Variants in ADD3 observed in about 807,000 individuals in gnomAD.
ADD3 encodes the protein gamma-adducin.
A neutral mutation model predicts 80.2 loss-of-function variants in ADD3; 25 were observed. The observed-to-expected ratio is 0.31, with a 90% CI of 0.23 to 0.44. ADD3 has a LOEUF of 0.44. Among genes scored for constraint, ADD3 ranks in the 20% least tolerant of loss-of-function variants. The pLI is 1.00. For missense variants in ADD3, 829 were observed against 847.5 expected (o/e 0.98, Z 0.27); for synonymous variants, 284 against 289.6 (o/e 0.98, Z 0.20).
intron 1 of ADD3, among the ~76,000 whole-genome samples, chr10:110,072,219 G>A (rs1404377317): frequency 4.6e-5 from 7 of 152,008 alleles, no homozygotes; most frequent in Non-Finnish European, 8.8e-5. Context: ...CTGCCACCAC[G>A]CCCAGCTAAT....
intron 1 of ADD3, among the ~76,000 whole-genome samples, chr10:110,013,101 T>G (rs1564837759): frequency 6.6e-6 from 1 of 151,878 alleles, no homozygotes; most frequent in East Asian, 1.9e-4. Flanking sequence ...GATTTTTAGG[T>G]TTTTGTTTTG....
chr10:110,009,920 C>T (rs1194538019), intron 1 of ADD3, among the ~76,000 whole-genome samples: 2 of 152,148 alleles, frequency 1.3e-5, no homozygotes, highest in African/African-American at 2.4e-5. Context: ...GTTTGGTGAA[C>T]ATTTGACATA....
chr10:110,063,806 A>G (rs1006770702), intron 1 of ADD3, among the ~76,000 whole-genome samples: 15 of 128,418 alleles, frequency 1.2e-4, no homozygotes, highest in Admixed American at 8.6e-4. Flanking sequence ...TGTGTAACCT[A>G]CCTAAGTCAA....
rs546954748 is a variant in ADD3, at chr10:110,081,453, A to G, written c.-29-19172A>G. Among the ~76,000 whole-genome samples, 120 of 152,274 alleles carry G rather than the reference A, an allele frequency of 7.9e-4. 1 individual carries two copies. Among genetic ancestry groups the G allele is most frequent in the African/African-American group, 2.8e-3 (117 of 41,550 alleles). ...TTGGAACTTGGCAAAAAATATATAT[A>G]TATTTAAATTCGAATCTGTGAAAAT... On this transcript the variant is annotated intron_variant, in intron 1 of 14. Transcript: ENST00000356080.
chr10:110,006,991 T>G (rs1851687233), upstream of ADD3, among the ~76,000 whole-genome samples: 1 of 151,658 alleles, frequency 6.6e-6, no homozygotes, highest in Non-Finnish European at 1.5e-5. Context: ...GTGGAAGTCG[T>G]GGGTGGCAGA....
intron 1 of ADD3, among the ~76,000 whole-genome samples, chr10:110,070,989 G>C (rs997185399): frequency 2.9e-5 from 3 of 103,784 alleles, no homozygotes; most frequent in East Asian, 3.4e-4. Context: ...TTTGGGGGGG[G>C]GGGGTGGGGA....
chr10:110,122,103 AT>A lies in ADD3; in HGVS notation c.961-5del, dbSNP rs1300578917. Reference sequence around the variant, plus strand: ...TGTGTCTCTGTATATTTTACCATTGATTACAGGTGCAGGCCCTAGCAGGTGC... The same window carrying A: ...TGTGTCTCTGTATATTTTACCATTGATACAGGTGCAGGCCCTAGCAGGTGC... On this transcript the variant is annotated splice_region_variant and splice_polypyrimidine_tract_variant and intron_variant, in intron 8 of 14. Coordinates refer to ENST00000356080, the MANE Select transcript of ADD3 (RefSeq NM_016824.5). The A allele has an allele frequency of 6.2e-7, 1 of 1,603,640 alleles. No homozygotes were observed. Among genetic ancestry groups the A allele is most frequent in the Non-Finnish European group, 8.5e-7 (1 of 1,175,096 alleles).
At chr10:110,109,687 A>G (rs773712149) in intron 2 of ADD3, among the ~76,000 whole-genome samples, 1 of 152,204 alleles carries the variant, frequency 6.6e-6, no homozygotes, top group Non-Finnish European at 1.5e-5. Flanking sequence ...TAGAGTTCCA[A>G]AAGAGCAGAT....
At chr10:110,001,147 G>C (rs150311164), upstream of ADD3, among the ~76,000 whole-genome samples, 133 of 152,292 alleles carry the variant, frequency 8.7e-4, no homozygotes, top group African/African-American at 3.0e-3. Context: ...GGGCATGTTG[G>C]CTCACACCTG....
At chr10:110,119,068 A>G in intron 6 of ADD3, 143 bp from the exon 7 acceptor site, 1 of 839,850 alleles carries the variant, frequency 1.2e-6, no homozygotes, top group Non-Finnish European at 1.8e-6. Context: ...CAAAATGGGA[A>G]GTGAATAAAG....
Position 110,116,297 on chromosome 10 carries a change from G to A in ADD3, c.373G>A (p.Ala125Thr). 1.2e-6 allele frequency: 2 copies of A among 1,614,088 alleles called. No homozygotes were observed. The highest frequency in any genetic ancestry group is 1.7e-6 in the Non-Finnish European group (2 of 1,179,990). The change falls in exon 4 of 15, where the codon GCA becomes ACA. Residue 125 changes from alanine to threonine, a missense_variant. Coordinates refer to ENST00000356080, the MANE Select transcript of ADD3 (RefSeq NM_016824.5). The stretch of plus-strand genomic sequence containing the variant: ...CACACCTATCAATGACCTTCCTGGT[G>A]CAGATACATCCTCATATGTGAAGGG... ...MVTPINDLPG[A>T]DTSSYVKGEK...
chr10:110,017,630 G>A (rs1428143469), intron 1 of ADD3, among the ~76,000 whole-genome samples: 11 of 152,120 alleles, frequency 7.2e-5, no homozygotes, highest in Admixed American at 7.2e-4. Context: ...ATATTTTTAT[G>A]TGGTAGTACT....
At chr10:110,096,693 T>C (rs952095466) in intron 1 of ADD3, among the ~76,000 whole-genome samples, 1 of 152,110 alleles carries the variant, frequency 6.6e-6, no homozygotes, top group Non-Finnish European at 1.5e-5. Flanking sequence ...TGCACGACCC[T>C]CAAAGTGTAT....
chr10:110,021,865 A>G (rs1853716735), intron 1 of ADD3, among the ~76,000 whole-genome samples: 2 of 152,252 alleles, frequency 1.3e-5, no homozygotes, highest in South Asian at 2.1e-4. Flanking sequence ...ATTTTATGGT[A>G]TATGAATTAT....
At chr10:110,013,491 C>T (rs1454156064) in intron 1 of ADD3, among the ~76,000 whole-genome samples, 2 of 152,066 alleles carry the variant, frequency 1.3e-5, no homozygotes, top group Non-Finnish European at 2.9e-5. Flanking sequence ...TTTCCCTCAA[C>T]CAGCTAGGAG....
intron 1 of ADD3, among the ~76,000 whole-genome samples, chr10:110,058,952 C>T (rs1417433842): frequency 1.3e-5 from 2 of 152,198 alleles, no homozygotes; most frequent in African/African-American, 4.8e-5. Context: ...CCTTGACTCT[C>T]ATCTTTTAAA....
intron 1 of ADD3, among the ~76,000 whole-genome samples, chr10:110,075,230 C>T (rs1845249231): frequency 1.3e-5 from 2 of 152,246 alleles, no homozygotes; most frequent in Middle Eastern, 3.4e-3. Context: ...GATACTAAAT[C>T]TGATATCATT....
chr10:110,057,114 G>A (rs547533353), intron 1 of ADD3, among the ~76,000 whole-genome samples: 1 of 152,156 alleles, frequency 6.6e-6, no homozygotes, highest in African/African-American at 2.4e-5. Context: ...AGATGGGCTG[G>A]GGTTAGTGAC....
At chr10:110,041,556 C>T (rs1361862974) in intron 1 of ADD3, among the ~76,000 whole-genome samples, 1 of 152,162 alleles carries the variant, frequency 6.6e-6, no homozygotes, top group Admixed American at 6.6e-5. Flanking sequence ...CAGCAGTTCT[C>T]AAGCTTTTTT....
Sources: gnomAD v4.1 joint callset for allele counts (sites outside exome capture counted in the v4.1 genomes callset) on GRCh38, gnomAD v4.1.1 for gene constraint, MANE v1.5 for transcripts, NCBI Gene and HGNC (gene_info 2026-07-23, HGNC 2026-07-21) for gene names.